CYP2C19: variants seen among roughly 807,000 people sequenced by gnomAD.
CYP2C19 encodes the protein cytochrome P450 2C19.
Under a neutral mutation model 40.9 loss-of-function variants are expected in CYP2C19, and 59 were observed. The observed-to-expected ratio is 1.44, with a 90% confidence interval of 1.17 to 1.79. The LOEUF is 1.79. Among genes scored for constraint, CYP2C19 ranks in the 40% most tolerant of loss-of-function variants. CYP2C19 has a pLI of 0.00. For synonymous variants in CYP2C19, 253 were observed against 208.7 expected, an observed-to-expected ratio of 1.21 and a Z score of -1.83; for missense variants, 754 against 596.9, an observed-to-expected ratio of 1.26 and a Z score of -2.74.
chr10:94,804,377 C>T (rs978758805), intron 5 of CYP2C19, among the ~76,000 whole-genome samples: 2 of 152,228 alleles, frequency 1.3e-5, no homozygotes, highest in African/African-American at 4.8e-5. Flanking sequence ...TTCCTCCAGA[C>T]CAACTGCTCC....
rs888718712 is a variant in CYP2C19, at chr10:94,786,104, C to A, written c.819+4107C>A. The stretch of plus-strand genomic sequence containing the variant: ...CAAGAAGCTGCTCTTTTTCTCCTTT[C>A]TTCTGTTATTAAACTACCTGCTCCT... On this transcript the variant is annotated intron_variant, in intron 5 of 8. Coordinates refer to ENST00000371321, the MANE Select transcript of CYP2C19 (RefSeq NM_000769.4). Among the ~76,000 whole-genome samples, 12 of 152,084 alleles carry A rather than the reference C, an allele frequency of 7.9e-5. 1 individual carries two copies. Among genetic ancestry groups the A allele is most frequent in the Admixed American group, 6.6e-4 (10 of 15,256 alleles).
At position 94,853,238 on chromosome 10, in the gene CYP2C19, C is replaced by T. The variant is rs143414928; in HGVS notation, c.*324C>T. 605 of 373,754 alleles carry T rather than the reference C, an allele frequency of 1.6e-3. 4 individuals carry two copies. Among genetic ancestry groups the T allele is most frequent in the African/African-American group, 0.012 (575 of 46,870 alleles). The allele number at this position is 373,754 out of a possible 1,614,324, so 23.2% of individuals were successfully genotyped here. A position where few individuals can be genotyped will look rare whatever the true frequency, so the allele number is the denominator to read the frequency against. On this transcript the variant is annotated 3_prime_UTR_variant, in exon 9 of 9. Transcript: ENST00000371321. Reference sequence around the variant, plus strand: ...GCATTTCTTCTCTGCATGTTCTAAACAAAAAGCATTATTATTTGCTGAGTC... The same window carrying T: ...GCATTTCTTCTCTGCATGTTCTAAATAAAAAGCATTATTATTTGCTGAGTC...
In CYP2C19 at chr10:94,775,156, T is replaced by A; in HGVS notation, c.267T>A (p.Asp89Glu). ...AAGTGGTGAAGGAAGCCCTGATTGATCTTGGAGAGGAGTTTTCTGGAAGAG... is the reference window on the plus strand; with the variant it reads ...AAGTGGTGAAGGAAGCCCTGATTGAACTTGGAGAGGAGTTTTCTGGAAGAG... Reference protein sequence around the residue: ...GYEVVKEALIDLGEEFSGRGH... With the variant: ...GYEVVKEALIELGEEFSGRGH... Residue 89 changes from aspartate to glutamate, a missense_variant, in exon 2 of 9, where the codon GAT (aspartate) becomes GAA (glutamate). Coordinates refer to ENST00000371321, the MANE Select transcript of CYP2C19 (RefSeq NM_000769.4). 1.2e-6 allele frequency: 2 copies of A among 1,614,098 alleles called. No homozygotes were observed. Among genetic ancestry groups the A allele is most frequent in the Non-Finnish European group, 1.7e-6 (2 of 1,180,028 alleles).
At chr10:94,769,033 G>T (rs1848290154) in intron 1 of CYP2C19, among the ~76,000 whole-genome samples, 1 of 152,108 alleles carries the variant, frequency 6.6e-6, no homozygotes, top group Admixed American at 6.5e-5. Context: ...GCCCACAATT[G>T]TTTTAATGTC....
intron 1 of CYP2C19, among the ~76,000 whole-genome samples, chr10:94,770,221 T>G (rs1375325404): frequency 6.6e-6 from 1 of 152,066 alleles, no homozygotes; most frequent in Non-Finnish European, 1.5e-5. Context: ...TGTTGGATCA[T>G]CTGGTTGGGG....
chr10:94,823,694 G>A (rs1849164779), intron 6 of CYP2C19, among the ~76,000 whole-genome samples: 1 of 152,190 alleles, frequency 6.6e-6, no homozygotes, highest in South Asian at 2.1e-4. Flanking sequence ...GAATTCTCAA[G>A]AGGAACTATT....
intron 5 of CYP2C19, among the ~76,000 whole-genome samples, chr10:94,811,713 T>C (rs1315547044): frequency 6.6e-6 from 1 of 152,164 alleles, no homozygotes; most frequent in Non-Finnish European, 1.5e-5. Context: ...TGCTTTGTTT[T>C]GCTTTCCATT....
chr10:94,811,869 G>C (rs946734885), intron 5 of CYP2C19, among the ~76,000 whole-genome samples: 5 of 152,024 alleles, frequency 3.3e-5, no homozygotes, highest in Admixed American at 1.3e-4. Flanking sequence ...CATTTAGCCT[G>C]TTTACATTTA....
At chr10:94,794,617 A>C (rs1379774060) in intron 5 of CYP2C19, among the ~76,000 whole-genome samples, 2 of 152,064 alleles carry the variant, frequency 1.3e-5, no homozygotes, top group Admixed American at 1.3e-4. Context: ...GAGGTCCTTC[A>C]CATCTCTTGT....
rs770229037 is a variant in CYP2C19 at position 94,775,169 on chromosome 10, T to C, written c.280T>C (p.Phe94Leu). The C allele has an allele frequency of 1.9e-6, 3 of 1,612,892 alleles. No homozygotes were observed. The highest frequency in any genetic ancestry group is 1.1e-5 in the South Asian group (1 of 91,040). ...KEALIDLGEE[F>L]SGRGHFPLAE... is the part of the protein sequence containing the mutation. ...AGCCCTGATTGATCTTGGAGAGGAG[T>C]TTTCTGGAAGAGGCCATTTCCCACT... The change falls in exon 2 of 9, where the codon TTT becomes CTT. Residue 94 changes from phenylalanine to leucine, a missense_variant. Physicochemically the swap from Phe to Leu is conservative, Grantham distance 22. Transcript: ENST00000371321.
At chr10:94,828,173 T>A (rs1589370397) in intron 6 of CYP2C19, among the ~76,000 whole-genome samples, 1 of 152,174 alleles carries the variant, frequency 6.6e-6, no homozygotes, top group African/African-American at 2.4e-5. Context: ...TAGATGCCTA[T>A]TAGGTCCGCT....
In CYP2C19 at chr10:94,781,840, C is replaced by T. The variant is rs1281313532; in HGVS notation, c.662C>T (p.Thr221Ile). The T allele has an allele frequency of 4.1e-6, 6 of 1,453,246 alleles. No homozygotes were observed. Among genetic ancestry groups the T allele is most frequent in the Non-Finnish European group, 4.5e-6 (5 of 1,103,942 alleles). The allele number at this position is 1,453,246 out of a possible 1,614,324, so 90.0% of individuals were successfully genotyped here. A position where few individuals can be genotyped will look rare whatever the true frequency, so the allele number is the denominator to read the frequency against. ...TCTTAGATATGCAATAATTTTCCCA[C>T]TATCATTGATTATTTCCCGGGAACC... ...PWIQICNNFP[T>I]IIDYFPGTHN... Residue 221 changes from threonine to isoleucine, a missense_variant, in exon 5 of 9, where the codon ACT (threonine) becomes ATT (isoleucine). Physicochemically the swap from Thr to Ile is moderately conservative, Grantham distance 89 (BLOSUM62 -1). Transcript: ENST00000371321.
chr10:94,785,237 T>A (rs765404645), intron 5 of CYP2C19, among the ~76,000 whole-genome samples: 1 of 152,150 alleles, frequency 6.6e-6, no homozygotes, highest in Non-Finnish European at 1.5e-5. Flanking sequence ...TTGCCAAATA[T>A]GAAGTCATGA....
At chr10:94,809,133 G>T (rs561338368) in intron 5 of CYP2C19, among the ~76,000 whole-genome samples, 2 of 152,258 alleles carry the variant, frequency 1.3e-5, no homozygotes, top group South Asian at 4.1e-4. Context: ...CACTTTAACT[G>T]GGGTGAGATG....
chr10:94,772,525 T>C (rs557605190), intron 1 of CYP2C19, among the ~76,000 whole-genome samples: 4 of 152,274 alleles, frequency 2.6e-5, no homozygotes, highest in African/African-American at 7.2e-5. Context: ...CTAGGATAGA[T>C]AGGCAAGTCT....
chr10:94,835,760 C>T (rs1331283692), intron 6 of CYP2C19, among the ~76,000 whole-genome samples: 3 of 152,112 alleles, frequency 2.0e-5, no homozygotes, highest in East Asian at 1.9e-4. Flanking sequence ...GGTAAGCATA[C>T]TTAGATCTGT....
rs751710958 is a variant in CYP2C19, at chr10:94,762,738, C to T, written c.33C>T (p.Leu11=). Residue 11 remains leucine (L), a synonymous_variant, in exon 1 of 9, where the codon CTC becomes CTT. Transcript: ENST00000371321. MDPFVVLVLC[L]SCLLLLSIWR... ...CTTTTGTGGTCCTTGTGCTCTGTCT[C>T]TCATGTTTGCTTCTCCTTTCAATCT... 23 of 1,613,894 alleles carry T rather than the reference C, an allele frequency of 1.4e-5. No homozygotes were observed. Among genetic ancestry groups the T allele is most frequent in the South Asian group, 3.3e-5 (3 of 91,058 alleles).
intron 5 of CYP2C19, among the ~76,000 whole-genome samples, chr10:94,790,292 C>G (rs183117642): frequency 1.5e-3 from 223 of 152,236 alleles, no homozygotes; most frequent in Non-Finnish European, 2.4e-3. Context: ...CATCTACAAA[C>G]AGGAACAATT....
At chr10:94,827,568 T>C (rs1020614865) in intron 6 of CYP2C19, among the ~76,000 whole-genome samples, 5 of 152,224 alleles carry the variant, frequency 3.3e-5, no homozygotes, top group African/African-American at 1.2e-4. Context: ...TCTTTATTAG[T>C]CTTGCTAGTG....
Sources: gnomAD v4.1 joint callset for allele counts (sites outside exome capture counted in the v4.1 genomes callset) on GRCh38, gnomAD v4.1.1 for gene constraint, MANE v1.5 for transcripts, NCBI Gene and HGNC (gene_info 2026-07-23, HGNC 2026-07-21) for gene names.